The following CARF variants were observed in gnomAD, a reference collection of about 807,000 sequenced individuals.
The protein encoded by CARF is calcium-responsive transcription factor.
A neutral mutation model predicts 82.0 loss-of-function variants in CARF; 57 were observed. The ratio of observed to expected loss-of-function variants is 0.70; its 90% CI spans 0.56 to 0.87. CARF has a LOEUF of 0.87. CARF is among the 40% of genes least tolerant of loss of function. The pLI is 0.00. For synonymous variants in CARF, 268 were observed against 290.1 expected (o/e 0.92, Z 0.77); for missense variants, 771 against 855.8 (o/e 0.90, Z 1.24).
chr2:202,983,694 T>A lies in CARF; in HGVS notation c.*70T>A. The A allele has an allele frequency of 1.1e-6, 1 of 936,640 alleles. No individual in the cohort carries two copies. Among genetic ancestry groups the A allele is most frequent in the East Asian group, 2.5e-5 (1 of 40,512 alleles). The allele number at this position is 936,640 out of a possible 1,614,324, so 58.0% of individuals were successfully genotyped here. A position where few individuals can be genotyped will look rare whatever the true frequency, so the allele number is the denominator to read the frequency against. ...GTCTTAGAAAGGAAGGTGAATATAG[T>A]CAAAGCGTGGCATTGAGATAATTGG... On this transcript the variant is annotated 3_prime_UTR_variant, in exon 17 of 17. Transcript: ENST00000438828.
rs748427899 is a variant in CARF, at chr2:202,961,426, G to C, written c.832G>C (p.Gly278Arg). ...TGATGGAATCCCATTTGTTAATGCA[G>C]GTACTTTTTTAAAGAATTATTTTAA... ...PYDGIPFVNA[G>R]SRAVVMECQY... Residue 278 changes from glycine to arginine, a missense_variant and splice_region_variant, in exon 9 of 17, where the codon GGG becomes CGG. Transcript: ENST00000438828. 2.5e-6 allele frequency: 4 copies of C among 1,613,218 alleles called. No homozygotes were observed. The South Asian group carries it at 4.4e-5, about 18-fold the overall frequency.
At chr2:202,913,196 A>C (rs1394615427) in intron 1 of CARF, 94 bp downstream of exon 1, 1 of 152,200 alleles carries the variant, frequency 6.6e-6, no homozygotes, top group Non-Finnish European at 1.5e-5. Flanking sequence ...ATGAACGCCT[A>C]ATATTTAAAT....
In CARF at chr2:202,914,789, AAACAAAC is replaced by A. The variant is rs1191731801; in HGVS notation, c.-330+1690_-330+1696del. ...AGTGAAACTCCATCTCAAAAAAAAAAAACAAACAAAAAATCAGAGCAAAAAGGTAAAA... is the reference window on the plus strand; with the variant it reads ...AGTGAAACTCCATCTCAAAAAAAAAAAAAAAATCAGAGCAAAAAGGTAAAA... On this transcript the variant is annotated intron_variant, in intron 1 of 16. Coordinates refer to ENST00000438828, the MANE Select transcript of CARF (RefSeq NM_024744.17). 5.6e-4 allele frequency among the ~76,000 whole-genome samples: 83 copies of A among 147,720 alleles called. 2 individuals are homozygous for A. Among genetic ancestry groups the A allele is most frequent in the East Asian group, 2.6e-3 (13 of 4,906 alleles).
intron 10 of CARF, 151 bp downstream of exon 10, chr2:202,967,249 C>T (rs972689955): frequency 2.4e-6 from 2 of 828,164 alleles, no homozygotes; most frequent in South Asian, 4.3e-5. Flanking sequence ...TTTAAAGCAA[C>T]AACTCTTACT....
At chr2:202,939,115 A>G (rs989937827) in intron 3 of CARF, among the ~76,000 whole-genome samples, 6 of 152,060 alleles carry the variant, frequency 3.9e-5, no homozygotes, top group Admixed American at 3.3e-4. Context: ...TACATTGAGT[A>G]TGGGTTTCTT....
chr2:202,966,555 C>G (rs375422385), intron 9 of CARF, among the ~76,000 whole-genome samples: 1 of 152,080 alleles, frequency 6.6e-6, no homozygotes, highest in African/African-American at 2.4e-5. Flanking sequence ...ACTAAAAATA[C>G]AAAAATTAGC....
intron 5 of CARF, among the ~76,000 whole-genome samples, chr2:202,944,588 G>C (rs1038829842): frequency 1.3e-5 from 2 of 152,104 alleles, no homozygotes; most frequent in Admixed American, 6.5e-5. Context: ...CTGTGTGCAG[G>C]GGAATCCTTT....
At chr2:202,917,472 C>G (rs1030471468) in intron 1 of CARF, among the ~76,000 whole-genome samples, 1 of 152,092 alleles carries the variant, frequency 6.6e-6, no homozygotes, top group South Asian at 2.1e-4. Context: ...ATAAGCCTGT[C>G]AATTCTAGGG....
chr2:202,969,534 C>G (rs1335077554), intron 10 of CARF, among the ~76,000 whole-genome samples: 2 of 151,904 alleles, frequency 1.3e-5, no homozygotes, highest in Non-Finnish European at 2.9e-5. Flanking sequence ...GAGATCATGC[C>G]ATTGCACTCC....
rs1170848155 is a variant in CARF at position 202,981,640 on chromosome 2, C to T, written c.1644C>T (p.Leu548=). The T allele has an allele frequency of 6.2e-7, 1 of 1,611,390 alleles. No homozygotes were observed. The highest frequency in any genetic ancestry group is 2.2e-5 in the East Asian group (1 of 44,812). Residue 548 remains leucine, a synonymous_variant, in exon 15 of 17, where the codon CTC becomes CTT. Coordinates refer to ENST00000438828, the MANE Select transcript of CARF (RefSeq NM_024744.17). ...TGTCTCCTGAGCCAACCCACTTGCT[C>T]TCCTCACTCTCCTCATTTCAGCCCA... ...GSLSPEPTHL[L]SSLSSFQPKI... is the part of the protein sequence containing the mutation.
chr2:202,935,460 G>A (rs1693779024), intron 3 of CARF, among the ~76,000 whole-genome samples: 1 of 151,152 alleles, frequency 6.6e-6, no homozygotes, highest in Non-Finnish European at 1.5e-5. Context: ...TTACTTTCTT[G>A]AGACAAGGTC....
At position 202,930,164 on chromosome 2, in the gene CARF, T is replaced by C. The variant is rs537255969; in HGVS notation, c.-44+5749T>C. ...CTGGGCTCAAGCGATTCTCATGCCT[T>C]AGCCTCCTGAATAGCCGGAATTATA... On this transcript the variant is annotated intron_variant, in intron 3 of 16. Transcript: ENST00000438828. 2.3e-4 allele frequency among the ~76,000 whole-genome samples: 35 copies of C among 152,176 alleles called. 1 individual carries two copies. The highest frequency in any genetic ancestry group is 4.0e-4 in the Non-Finnish European group (27 of 67,992).
chr2:202,945,056 GATT>G (rs1283297964), intron 5 of CARF, among the ~76,000 whole-genome samples: 1 of 152,184 alleles, frequency 6.6e-6, no homozygotes, highest in African/African-American at 2.4e-5. Context: ...GTGAGAAACA[GATT>G]ATAAGAAAGA....
At chr2:202,953,676 T>C (rs1253081124) in intron 6 of CARF, among the ~76,000 whole-genome samples, 1 of 152,022 alleles carries the variant, frequency 6.6e-6, no homozygotes, top group Non-Finnish European at 1.5e-5. Flanking sequence ...AAAACATAGA[T>C]TGCAGAAAAC....
intron 1 of CARF, among the ~76,000 whole-genome samples, chr2:202,914,092 T>A (rs552853732): frequency 3.3e-5 from 5 of 152,314 alleles, no homozygotes; most frequent in African/African-American, 1.2e-4. Flanking sequence ...CTCCAAACAG[T>A]ACCTAGGATA....
chr2:202,915,495 G>T (rs1689464231), intron 1 of CARF, among the ~76,000 whole-genome samples: 1 of 151,988 alleles, frequency 6.6e-6, no homozygotes, highest in Non-Finnish European at 1.5e-5. Context: ...TTTTGAGATG[G>T]AGTCTGGCTC....
chr2:202,943,481 C>G (rs747399347), intron 5 of CARF, among the ~76,000 whole-genome samples: 2 of 152,056 alleles, frequency 1.3e-5, no homozygotes, highest in Non-Finnish European at 2.9e-5. Flanking sequence ...TTATGAGTCT[C>G]TGTGTTTGGG....
At chr2:202,918,843 G>A (rs74692106) in intron 2 of CARF, among the ~76,000 whole-genome samples, 20 of 152,168 alleles carry the variant, frequency 1.3e-4, no homozygotes, top group Non-Finnish European at 2.5e-4. Context: ...CAACTTTTCC[G>A]TATAGAAACT....
Position 202,972,342 on chromosome 2 carries a change from A to C in CARF, c.1331+604A>C, listed in dbSNP as rs1240244388. 2.6e-5 allele frequency among the ~76,000 whole-genome samples: 4 copies of C among 152,204 alleles called. No homozygotes were observed. The South Asian group carries it at 8.3e-4, about 32-fold the overall frequency. On this transcript the variant is annotated intron_variant, in intron 12 of 16. Transcript: ENST00000438828. ...TGGTATATTTATCCCAATTCTACAC[A>C]TGAGAAACTGGAGTCTCAGAGTGGT...
Sources: gnomAD v4.1 joint callset for allele counts (sites outside exome capture counted in the v4.1 genomes callset) on GRCh38, gnomAD v4.1.1 for gene constraint, MANE v1.5 for transcripts, NCBI Gene and HGNC (gene_info 2026-07-23, HGNC 2026-07-21) for gene names.